Variants in SCN10A observed in about 807,000 individuals in gnomAD.
SCN10A encodes sodium channel protein type 10 subunit alpha.
A neutral mutation model predicts 170.7 loss-of-function variants in SCN10A; 162 were observed. The observed-to-expected ratio is 0.95, with a 90% CI of 0.84 to 1.08. The LOEUF is 1.08. Among genes scored for constraint, SCN10A ranks in the 50% least tolerant of loss-of-function variants. The pLI, the probability that SCN10A is intolerant of heterozygous loss-of-function variation, is 0.00. For missense variants in SCN10A, 2,527 were observed against 2,436.9 expected (o/e 1.04, Z -0.78); for synonymous variants, 985 against 904.6 (o/e 1.09, Z -1.59).
At chr3:38,717,255 G>A (rs761530507) in intron 21 of SCN10A, among the ~76,000 whole-genome samples, 40 of 152,106 alleles carry the variant, frequency 2.6e-4, no homozygotes, top group African/African-American at 3.9e-4. Flanking sequence ...GGATGTTTGG[G>A]AGGAAGGAAA....
At chr3:38,739,722 A>T in intron 14 of SCN10A, 34 bp from the exon 15 acceptor site, 1 of 1,542,292 alleles carries the variant, frequency 6.5e-7, no homozygotes, top group Non-Finnish European at 8.9e-7. Context: ...TCACAGTGGG[A>T]TCTGTGGGGT....
Position 38,742,372 on chromosome 3 carries a change from G to A in SCN10A, c.2025C>T (p.Ile675=), listed in dbSNP as rs371261235. Residue 675 remains isoleucine, a synonymous_variant, in exon 14 of 28, where the codon ATC becomes ATT. Coordinates refer to ENST00000449082, the MANE Select transcript of SCN10A (RefSeq NM_006514.4). The stretch of plus-strand genomic sequence containing the variant: ...TGGCCATGAAGATGGTGTTCACCAC[G>A]ATGCACAAGGTGATGGTGAGCTCTG... The part of the protein sequence containing the change: ...PFAELTITLC[I]VVNTIFMAME... 1.3e-5 allele frequency: 21 copies of A among 1,614,050 alleles called. No individual in the cohort carries two copies. Among genetic ancestry groups the A allele is most frequent in the Admixed American group, 5.0e-5 (3 of 60,006 alleles).
chr3:38,795,486 C>T (rs565252693), intron 1 of SCN10A, among the ~76,000 whole-genome samples: 1 of 151,822 alleles, frequency 6.6e-6, no homozygotes, highest in African/African-American at 2.4e-5. Flanking sequence ...GCTATAGGCA[C>T]ATGTCACCAC....
At position 38,755,840 on chromosome 3, in the gene SCN10A, G is replaced by T. The variant is rs527577666; in HGVS notation, c.1409C>A (p.Ser470Tyr). The change falls in exon 11 of 28, where the codon TCC becomes TAC. Residue 470 changes from serine (S) to tyrosine (Y), a missense_variant. Ser to Tyr is a moderately radical substitution (Grantham distance 144). Transcript: ENST00000449082. The stretch of plus-strand genomic sequence containing the variant: ...GCGGGGTGATTTGTTGTCTTCTGTG[G>T]AGCCCTCTGACACTCTTGGCTTTAT... The part of the protein sequence containing the change: ...HRIKPRVSEG[S>Y]TEDNKSPRSD... 2.2e-4 allele frequency: 362 copies of T among 1,614,114 alleles called. 5 individuals are homozygous for T. The South Asian group carries it at 3.7e-3, about 17-fold the overall frequency.
At chr3:38,718,859 T>C (rs751394310) in intron 20 of SCN10A, 33 bp from the exon 21 acceptor site, 2 of 1,607,214 alleles carry the variant, frequency 1.2e-6, no homozygotes, top group East Asian at 2.2e-5. Context: ...AATGGCAGGC[T>C]GCCTGGACCC....
chr3:38,805,327 A>G (rs987604836), intron 1 of SCN10A, among the ~76,000 whole-genome samples: 16 of 152,132 alleles, frequency 1.1e-4, no homozygotes, highest in African/African-American at 3.1e-4. Context: ...TGTGTTATGC[A>G]TGGTGCTGAG....
At chr3:38,773,260 A>G (rs976109803) in intron 4 of SCN10A, among the ~76,000 whole-genome samples, 5 of 152,190 alleles carry the variant, frequency 3.3e-5, no homozygotes, top group Admixed American at 1.3e-4. Context: ...TGAACCCAGG[A>G]GTTTGAGGCC....
intron 4 of SCN10A, among the ~76,000 whole-genome samples, chr3:38,772,425 C>T (rs1206388827): frequency 6.6e-6 from 1 of 152,016 alleles, no homozygotes; most frequent in African/African-American, 2.4e-5. Flanking sequence ...CGCTGTGGCT[C>T]ACGCCTGTAA....
intron 5 of SCN10A, among the ~76,000 whole-genome samples, chr3:38,769,717 T>A (rs1005926926): frequency 6.6e-6 from 1 of 152,212 alleles, no homozygotes; most frequent in African/African-American, 2.4e-5. Flanking sequence ...TGGAACTGAA[T>A]GGCTGTTGTG....
Position 38,697,383 on chromosome 3 carries a change from G to T in SCN10A, c.5837C>A (p.Ala1946Asp). The change falls in exon 28 of 28, where the codon GCC (alanine) becomes GAC (aspartate). Residue 1946 changes from alanine (A) to aspartate (D), a missense_variant. By Grantham distance (126) the Ala-to-Asp change is moderately radical. Coordinates refer to ENST00000449082, the MANE Select transcript of SCN10A (RefSeq NM_006514.4). ...TSSSIQNEDE[A>D]TSMELIAPGP ...AGGGGCAATCAGCTCCATACTGGTG[G>T]CTTCATCTTCATTTTGTATTGAGCT... 6.2e-7 allele frequency: 1 copy of T among 1,614,122 alleles called. No individual in the cohort carries two copies. Among genetic ancestry groups the T allele is most frequent in the Non-Finnish European group, 8.5e-7 (1 of 1,179,992 alleles).
intron 26 of SCN10A, among the ~76,000 whole-genome samples, chr3:38,704,963 CT>C (rs571938005): frequency 2.0e-5 from 3 of 152,318 alleles, no homozygotes; most frequent in Non-Finnish European, 4.4e-5. Context: ...TTCCTTTTGC[CT>C]TGGATTTCTT....
rs1229463916 is a variant in SCN10A at position 38,761,528 on chromosome 3, C to T, written c.692-145G>A. The T allele has an allele frequency of 1.3e-5, 7 of 538,018 alleles. No individual in the cohort carries two copies. In the African/African-American group the frequency reaches 1.3e-4, roughly 10 times the overall value. 33.3% of individuals were successfully genotyped at this position (538,018 alleles called of 1,614,324 possible). On this transcript the variant is annotated intron_variant, in intron 6 of 27. Transcript: ENST00000449082. ...AGGGCAGTTCCAAGACCTTTCTCATCCGAAGCTTGCATTTACTCTGAGAGG... is the reference window on the plus strand; with the variant it reads ...AGGGCAGTTCCAAGACCTTTCTCATTCGAAGCTTGCATTTACTCTGAGAGG...
intron 15 of SCN10A, among the ~76,000 whole-genome samples, chr3:38,737,424 T>G (rs1217930578): frequency 6.6e-6 from 1 of 152,142 alleles, no homozygotes; most frequent in Non-Finnish European, 1.5e-5. Context: ...GAGAAATCTG[T>G]CCTTCTAAAA....
chr3:38,755,873 C>T lies in SCN10A; in HGVS notation c.1376G>A (p.Arg459Lys), dbSNP rs1286879566. ...PLTSKNASER[R>K]HRIKPRVSEG... ...TGACACTCTTGGCTTTATTCTATGC[C>T]TTCTCTCACTGGCATTTTTGGAGGT... is the stretch of plus-strand genomic sequence containing the variant. The change falls in exon 11 of 28, where the codon AGG becomes AAG. Residue 459 changes from arginine (R) to lysine (K), a missense_variant. Arg to Lys is a conservative substitution (Grantham distance 26, BLOSUM62 2). Coordinates refer to ENST00000449082, the MANE Select transcript of SCN10A (RefSeq NM_006514.4). The T allele has an allele frequency of 6.2e-7, 1 of 1,614,194 alleles. No individual in the cohort carries two copies. Among genetic ancestry groups the T allele is most frequent in the Non-Finnish European group, 8.5e-7 (1 of 1,180,036 alleles).
In SCN10A at chr3:38,729,019, A is replaced by G; in HGVS notation, c.2281-118T>C. On this transcript the variant is annotated intron_variant, in intron 15 of 27. Coordinates refer to ENST00000449082, the MANE Select transcript of SCN10A (RefSeq NM_006514.4). ...ACAAGGCCTCTCATCCCATTAAACC[A>G]GGGCGTTTTCTGGACACTGCTTTTG... is the stretch of plus-strand genomic sequence containing the variant. 4 of 1,351,056 alleles carry G rather than the reference A, an allele frequency of 3.0e-6. No homozygotes were observed. The South Asian group carries it at 4.6e-5, about 15-fold the overall frequency. The allele number at this position is 1,351,056 out of a possible 1,614,324, so 83.7% of individuals were successfully genotyped here.
rs140924179 is a variant in SCN10A at position 38,726,591 on chromosome 3, G to A, written c.3087+15C>T. ...TCCCCACTGCCTGTGGCTGTCCCTT[G>A]GGGATAACTCTTACCTGTCCTTTGG... On this transcript the variant is annotated intron_variant, in intron 17 of 27. Coordinates refer to ENST00000449082, the MANE Select transcript of SCN10A (RefSeq NM_006514.4). 4,973 of 1,555,164 alleles carry A rather than the reference G, an allele frequency of 3.2e-3. 188 individuals carry two copies. In the Admixed American group the frequency reaches 0.067, roughly 21 times the overall value.
At chr3:38,736,870 G>T (rs530467294) in intron 15 of SCN10A, among the ~76,000 whole-genome samples, 71 of 149,380 alleles carry the variant, frequency 4.8e-4, no homozygotes, top group Non-Finnish European at 9.2e-4. Context: ...ATTTTTGGTT[G>T]TTTGGGACTT....
At chr3:38,699,695 A>G (rs2063137146) in intron 27 of SCN10A, among the ~76,000 whole-genome samples, 1 of 152,226 alleles carries the variant, frequency 6.6e-6, no homozygotes, top group Non-Finnish European at 1.5e-5. Flanking sequence ...CCCATCGTGT[A>G]GGGTACATTA....
chr3:38,772,718 C>CAAAAAAAAAAAAAAAAAAAA (rs1433827001), intron 4 of SCN10A, among the ~76,000 whole-genome samples: 1 of 76,582 alleles, frequency 1.3e-5, no homozygotes, highest in East Asian at 4.4e-4. Context: ...GCAACAACAA[C>CAAAAAAAAAAAAAAAAAAAA]AACAACAAAA....
Sources: gnomAD v4.1 joint callset for allele counts (sites outside exome capture counted in the v4.1 genomes callset) on GRCh38, gnomAD v4.1.1 for gene constraint, MANE v1.5 for transcripts, NCBI Gene and HGNC (gene_info 2026-07-23, HGNC 2026-07-21) for gene names.